Variants in CD52 observed in about 807,000 individuals in gnomAD.
The protein encoded by CD52 is CAMPATH-1 antigen.
CD52 carries 2 observed loss-of-function variants against 2.5 expected under a neutral mutation model. The observed-to-expected ratio is 0.79, with a 90% CI of 0.32 to 2.48. The LOEUF (loss-of-function observed/expected upper bound fraction) is 2.48. Ranked by LOEUF, CD52 falls within the 30% of genes most tolerant of loss-of-function variation. The probability of loss-of-function intolerance (pLI) is 0.11; values close to 1 mark genes in which losing one functional copy is unlikely to be tolerated. For synonymous variants in CD52, 24 were observed against 27.7 expected (o/e 0.87, Z 0.42); for missense variants, 62 against 75.8 (o/e 0.82, Z 0.68).
intron 1 of CD52, among the ~76,000 whole-genome samples, chr1:26,319,174 C>T (rs1345810465): frequency 1.3e-5 from 2 of 152,008 alleles, no homozygotes; most frequent in African/African-American, 2.4e-5. Context: ...CTGGGCGAGC[C>T]GGGCGCGCTG....
rs747433383 is a variant in CD52 at position 26,318,078 on chromosome 1, G to A, written c.54+7G>A. ...CCTCCTGGTTATGGTACAGGTAAGA[G>A]CAACGCCTGGCACCACTGCCAGGAC... On this transcript the variant is annotated splice_region_variant and intron_variant, in intron 1 of 1. Transcript: ENST00000374213. The A allele has an allele frequency of 1.9e-6, 3 of 1,613,536 alleles. No homozygotes were observed. The highest frequency in any genetic ancestry group is 2.2e-5 in the South Asian group (2 of 91,082).
chr1:26,318,139 A>G, intron 1 of CD52, 68 bp downstream of exon 1: 3 of 1,319,548 alleles, frequency 2.3e-6, no homozygotes, highest in Non-Finnish European at 3.3e-6. Context: ...GAGGGCATAC[A>G]GGATGTGAGC....
chr1:26,319,459 T>A (rs2073830058), intron 1 of CD52, among the ~76,000 whole-genome samples: 1 of 82,424 alleles, frequency 1.2e-5, no homozygotes, highest in South Asian at 3.4e-4. Flanking sequence ...CAAGACTCTG[T>A]CTCGGAAAAA....
rs773924069 is a variant in CD52 at position 26,317,971 on chromosome 1, A to T, written c.-47A>T. On this transcript the variant is annotated 5_prime_UTR_variant, in exon 1 of 2. Transcript: ENST00000374213. ...AAAGAAGCCTCCAGACAGCCCTGAGATCACCTAAAAAGCTGCTACCAAGAC... is the reference window on the plus strand; with the variant it reads ...AAAGAAGCCTCCAGACAGCCCTGAGTTCACCTAAAAAGCTGCTACCAAGAC... 2 of 1,574,772 alleles carry T rather than the reference A, an allele frequency of 1.3e-6. No homozygotes were observed. Among genetic ancestry groups the T allele is most frequent in the Non-Finnish European group, 1.7e-6 (2 of 1,144,294 alleles).
chr1:26,318,229 C>G, intron 1 of CD52, 158 bp downstream of exon 1: 1 of 647,288 alleles, frequency 1.5e-6, no homozygotes, highest in South Asian at 1.8e-5. Context: ...CGGGCCTGGC[C>G]GCCCAGCCTT....
At chr1:26,320,136 A>AT (rs2073838963) in intron 1 of CD52, 35 bp from the exon 2 acceptor site, 2 of 1,572,866 alleles carry the variant, frequency 1.3e-6, no homozygotes, top group East Asian at 2.2e-5. Context: ...AAAAAAAAAA[A>AT]GTCCCCTGAT....
In CD52 at chr1:26,318,411, G is replaced by A. The variant is rs148501685; in HGVS notation, c.54+340G>A. 55 of 234,810 alleles carry A rather than the reference G, an allele frequency of 2.3e-4. No homozygotes were observed. The East Asian group carries it at 3.7e-3, about 16-fold the overall frequency. 14.5% of individuals were successfully genotyped at this position (234,810 alleles called of 1,614,324 possible). A position where few individuals can be genotyped will look rare whatever the true frequency, so the allele number is the denominator to read the frequency against. ...GACAACCCTGAGTGAGGAAGGCATC[G>A]GCCCACAGGGAGTCTGGGGAGATGG... is the stretch of plus-strand genomic sequence containing the variant. On this transcript the variant is annotated intron_variant, in intron 1 of 1. Coordinates refer to ENST00000374213, the MANE Select transcript of CD52 (RefSeq NM_001803.3).
In CD52 at chr1:26,320,298, G is replaced by T. The variant is rs2073841285; in HGVS notation, c.182G>T (p.Ser61Ile). The change falls in exon 2 of 2, where the codon AGT (serine) becomes ATT (isoleucine). Residue 61 changes from serine (S) to isoleucine (I), a missense_variant. Physicochemically the swap from Ser to Ile is moderately radical, Grantham distance 142. Transcript: ENST00000374213. ...ANAIIHLFCFS is the reference protein window; with the variant it reads ...ANAIIHLFCFI The stretch of plus-strand genomic sequence containing the variant: ...GCCATAATCCACCTCTTCTGCTTCA[G>T]TTGAGGTGACACGTCTCAGCCTTAG... 1.9e-6 allele frequency: 3 copies of T among 1,611,708 alleles called. No homozygotes were observed. The East Asian group carries it at 6.7e-5, about 36-fold the overall frequency.
intron 1 of CD52, 74 bp from the exon 2 acceptor site, chr1:26,320,097 G>T: frequency 6.5e-7 from 1 of 1,534,812 alleles, no homozygotes; most frequent in Admixed American, 2.2e-5. Flanking sequence ...TCCAGCCTGG[G>T]TGACAGAGTG....
In CD52 at chr1:26,318,013, C is replaced by T. The variant is rs1182614057; in HGVS notation, c.-5C>T. The stretch of plus-strand genomic sequence containing the variant: ...TACCAAGACAGCCACGAAGATCCTA[C>T]CAAAATGAAGCGCTTCCTCTTCCTC... On this transcript the variant is annotated 5_prime_UTR_variant, in exon 1 of 2. Transcript: ENST00000374213. 1.2e-6 allele frequency: 2 copies of T among 1,614,118 alleles called. No individual in the cohort carries two copies. The highest frequency in any genetic ancestry group is 2.2e-5 in the East Asian group (1 of 44,888).
intron 1 of CD52, among the ~76,000 whole-genome samples, chr1:26,319,391 G>A (rs2073829218): frequency 6.6e-6 from 1 of 151,020 alleles, no homozygotes; most frequent in Non-Finnish European, 1.5e-5. Context: ...ACCTGGGGGT[G>A]AAGCTTGCAG....
At chr1:26,319,991 G>A (rs932984867) in intron 1 of CD52, among the ~76,000 whole-genome samples, 180 bp from the exon 2 acceptor site, 1 of 151,712 alleles carries the variant, frequency 6.6e-6, no homozygotes, top group Non-Finnish European at 1.5e-5. Context: ...GTGGTGGCAC[G>A]TGCCTATAGT....
At position 26,320,183 on chromosome 1, in the gene CD52, C is replaced by A; in HGVS notation, c.67C>A (p.Leu23Ile). Residue 23 changes from leucine to isoleucine, a missense_variant, in exon 2 of 2, where the codon CTC becomes ATC. Leu to Ile is a conservative substitution (Grantham distance 5). Coordinates refer to ENST00000374213, the MANE Select transcript of CD52 (RefSeq NM_001803.3). ...LLVMVQIQTGLSGQNDTSQTS... is the reference protein window; with the variant it reads ...LLVMVQIQTGISGQNDTSQTS... ...TCTCCTCCTACAGATACAAACTGGA[C>A]TCTCAGGACAAAACGACACCAGCCA... 1 of 1,613,252 alleles carries A rather than the reference C, an allele frequency of 6.2e-7. No homozygotes were observed. The highest frequency in any genetic ancestry group is 8.5e-7 in the Non-Finnish European group (1 of 1,179,726).
chr1:26,320,212 C>G lies in CD52; in HGVS notation c.96C>G (p.Thr32=), dbSNP rs201785995. Residue 32 remains threonine, a synonymous_variant, in exon 2 of 2, where the codon ACC becomes ACG. Transcript: ENST00000374213. ...CAGGACAAAACGACACCAGCCAAAC[C>G]AGCAGCCCCTCAGCATCCAGCAACA... is the stretch of plus-strand genomic sequence containing the variant. ...GLSGQNDTSQ[T]SSPSASSNIS... The G allele has an allele frequency of 7.2e-5, 117 of 1,613,834 alleles. No homozygotes were observed. The highest frequency in any genetic ancestry group is 7.2e-5 in the Non-Finnish European group (85 of 1,179,990).
chr1:26,320,420 T>G lies in CD52; in HGVS notation c.*118T>G. On this transcript the variant is annotated 3_prime_UTR_variant, in exon 2 of 2. Coordinates refer to ENST00000374213, the MANE Select transcript of CD52 (RefSeq NM_001803.3). ...GCCAGACATCACCAGGTTGTAGAAG[T>G]TGACAGGCAGTGCCATGGGGGCAAC... 1.4e-6 allele frequency: 2 copies of G among 1,393,234 alleles called. No individual in the cohort carries two copies. Among genetic ancestry groups the G allele is most frequent in the Non-Finnish European group, 1.9e-6 (2 of 1,036,726 alleles). The allele number at this position is 1,393,234 out of a possible 1,614,324, so 86.3% of individuals were successfully genotyped here. A position where few individuals can be genotyped will look rare whatever the true frequency, so the allele number is the denominator to read the frequency against.
intron 1 of CD52, among the ~76,000 whole-genome samples, chr1:26,319,247 T>C (rs2073827766): frequency 6.6e-6 from 1 of 151,388 alleles, no homozygotes; most frequent in African/African-American, 2.4e-5. Flanking sequence ...GGTCAGGAGA[T>C]CGAGACCATC....
chr1:26,318,024 C>A lies in CD52; in HGVS notation c.7C>A (p.Arg3Ser). 6.2e-7 allele frequency: 1 copy of A among 1,614,126 alleles called. No homozygotes were observed. Among genetic ancestry groups the A allele is most frequent in the Non-Finnish European group, 8.5e-7 (1 of 1,179,964 alleles). Residue 3 changes from arginine (R) to serine (S), a missense_variant, in exon 1 of 2, where the codon CGC becomes AGC. By Grantham distance (110) the Arg-to-Ser change is moderately radical (BLOSUM62 -1). Transcript: ENST00000374213. MK[R>S]FLFLLLTISL... is the part of the protein sequence containing the mutation. ...CCACGAAGATCCTACCAAAATGAAG[C>A]GCTTCCTCTTCCTCCTACTCACCAT... is the stretch of plus-strand genomic sequence containing the variant.
intron 1 of CD52, among the ~76,000 whole-genome samples, chr1:26,319,279 C>G (rs929108887): frequency 6.6e-6 from 1 of 151,998 alleles, no homozygotes; most frequent in Non-Finnish European, 1.5e-5. Flanking sequence ...ATTGAAACCT[C>G]GTCTCTACCA....
intron 1 of CD52, among the ~76,000 whole-genome samples, chr1:26,319,637 A>G (rs6696625): frequency 0.87 from 132,768 of 151,822 alleles, 59,013 homozygotes; most frequent in Non-Finnish European, 0.93. Flanking sequence ...AAGGGGGTGG[A>G]CAGGGGCAGT....
Sources: gnomAD v4.1 joint callset for allele counts (sites outside exome capture counted in the v4.1 genomes callset) on GRCh38, gnomAD v4.1.1 for gene constraint, MANE v1.5 for transcripts, NCBI Gene and HGNC (gene_info 2026-07-23, HGNC 2026-07-21) for gene names.